BRINP3: variants seen among roughly 807,000 people sequenced by gnomAD.
BRINP3 encodes BMP/retinoic acid-inducible neural-specific protein 3.
A neutral mutation model predicts 71.0 loss-of-function variants in BRINP3; 19 were observed. The observed-to-expected ratio is 0.27, with a 90% confidence interval of 0.19 to 0.39. The LOEUF (loss-of-function observed/expected upper bound fraction) is 0.39. BRINP3 is among the 10% of genes least tolerant of loss of function. BRINP3 has a pLI of 1.00. For synonymous variants in BRINP3, 380 were observed against 337.7 expected (o/e 1.13, Z -1.37); for missense variants, 959 against 940.8 (o/e 1.02, Z -0.25).
intron 6 of BRINP3, among the ~76,000 whole-genome samples, chr1:190,180,235 C>G (rs889667652): frequency 2.6e-5 from 4 of 152,156 alleles, no homozygotes; most frequent in Non-Finnish European, 4.4e-5. Flanking sequence ...TGAACTCTCT[C>G]TAGGAACCAG....
intron 5 of BRINP3, 26 bp from the exon 6 acceptor site, chr1:190,226,344 C>A: frequency 1.4e-6 from 2 of 1,388,216 alleles, no homozygotes; most frequent in Non-Finnish European, 2.0e-6. Context: ...AAGAAATTAA[C>A]AAATTTACTT....
chr1:190,194,078 G>C (rs996503040), intron 6 of BRINP3, among the ~76,000 whole-genome samples: 1 of 151,966 alleles, frequency 6.6e-6, no homozygotes, highest in Non-Finnish European at 1.5e-5. Flanking sequence ...TTTTTTCCTT[G>C]ACAACATGGA....
At chr1:190,441,451 G>A (rs1248325640) in intron 2 of BRINP3, among the ~76,000 whole-genome samples, 1 of 152,060 alleles carries the variant, frequency 6.6e-6, no homozygotes, top group Admixed American at 6.6e-5. Context: ...CAAAGCTTTG[G>A]AATTTAGCAA....
At chr1:190,306,075 CTT>C (rs1207182142) in intron 2 of BRINP3, among the ~76,000 whole-genome samples, 1 of 151,806 alleles carries the variant, frequency 6.6e-6, no homozygotes, top group Non-Finnish European at 1.5e-5. Flanking sequence ...TCAGCCATAA[CTT>C]TATATCAATG....
chr1:190,410,060 C>A (rs1672564424), intron 2 of BRINP3, among the ~76,000 whole-genome samples: 1 of 151,758 alleles, frequency 6.6e-6, no homozygotes, highest in Non-Finnish European at 1.5e-5. Flanking sequence ...TATTTTACTT[C>A]TTTCTTTATT....
chr1:190,391,807 C>G (rs1671267932), intron 2 of BRINP3, among the ~76,000 whole-genome samples: 1 of 151,646 alleles, frequency 6.6e-6, no homozygotes. Context: ...GTGCTAGAGA[C>G]CAAAACATGC....
At chr1:190,300,771 A>G (rs1297215650) in intron 2 of BRINP3, among the ~76,000 whole-genome samples, 1 of 152,090 alleles carries the variant, frequency 6.6e-6, no homozygotes, top group Non-Finnish European at 1.5e-5. Context: ...CCAAAAACCC[A>G]TCTGTACTTC....
intron 2 of BRINP3, among the ~76,000 whole-genome samples, chr1:190,317,329 A>T (rs996434081): frequency 1.3e-5 from 2 of 152,064 alleles, no homozygotes; most frequent in African/African-American, 2.4e-5. Flanking sequence ...AAGGGCAGCT[A>T]TTCAGTTTCT....
At chr1:190,276,513 TA>T (rs1662564746) in intron 3 of BRINP3, among the ~76,000 whole-genome samples, 1 of 151,338 alleles carries the variant, frequency 6.6e-6, no homozygotes, top group African/African-American at 2.4e-5. Flanking sequence ...ATTTTATCCA[TA>T]TTGTATCTTA....
rs747787642 is a variant in BRINP3, at chr1:190,160,734, A to G, written c.1118T>C (p.Val373Ala). The G allele has an allele frequency of 1.9e-6, 3 of 1,613,608 alleles. No individual in the cohort carries two copies. In the Admixed American group the frequency reaches 5.0e-5, roughly 27 times the overall value. ...CTTGCTAAGGCTAAAAAGCTTGTGT[A>G]CAATTTTCTGCGCCTTTAGGAAAAG... ...KQLFLKAQKIVHKLFSLSKRC... is the reference protein window; with the variant it reads ...KQLFLKAQKIAHKLFSLSKRC... The change falls in exon 7 of 8, where the codon GTA (valine) becomes GCA (alanine). Residue 373 changes from valine (V) to alanine (A), a missense_variant. By Grantham distance (64) the Val-to-Ala change is moderately conservative. Transcript: ENST00000367462.
intron 7 of BRINP3, among the ~76,000 whole-genome samples, chr1:190,148,470 C>T (rs1656095729): frequency 2.0e-5 from 3 of 151,516 alleles, no homozygotes; most frequent in Non-Finnish European, 2.9e-5. Flanking sequence ...GTGGCGGGCG[C>T]CTGTAGTCCC....
intron 6 of BRINP3, among the ~76,000 whole-genome samples, chr1:190,210,776 G>A (rs1448944490): frequency 6.6e-6 from 1 of 151,972 alleles, no homozygotes; most frequent in Non-Finnish European, 1.5e-5. Context: ...TTGCCAAAGG[G>A]GATTATCATT....
At chr1:190,274,345 A>G (rs757139217) in intron 3 of BRINP3, among the ~76,000 whole-genome samples, 2 of 151,196 alleles carry the variant, frequency 1.3e-5, no homozygotes, top group Non-Finnish European at 3.0e-5. Flanking sequence ...CCATTGTCCT[A>G]TAATGTTTAC....
chr1:190,133,136 A>G (rs1654678293), intron 7 of BRINP3, among the ~76,000 whole-genome samples: 1 of 152,114 alleles, frequency 6.6e-6, no homozygotes, highest in Admixed American at 6.6e-5. Context: ...CTATGAGATA[A>G]TAAATGTTCT....
chr1:190,131,738 C>G (rs990409702), intron 7 of BRINP3, among the ~76,000 whole-genome samples: 1 of 152,124 alleles, frequency 6.6e-6, no homozygotes, highest in Admixed American at 6.6e-5. Context: ...GTGGACTTAC[C>G]CAGCTCTCCA....
chr1:190,403,015 C>T (rs979331620), intron 2 of BRINP3, among the ~76,000 whole-genome samples: 2 of 152,122 alleles, frequency 1.3e-5, no homozygotes, highest in Non-Finnish European at 2.9e-5. Flanking sequence ...GAATGAGCTA[C>T]CTATCTTGTC....
intron 2 of BRINP3, among the ~76,000 whole-genome samples, chr1:190,346,928 C>T (rs1220859388): frequency 6.6e-6 from 1 of 152,016 alleles, no homozygotes; most frequent in Non-Finnish European, 1.5e-5. Context: ...TGGTTGTTCT[C>T]TTAGTAACTA....
chr1:190,356,286 C>T lies in BRINP3; in HGVS notation c.237-74536G>A, dbSNP rs560055351. 3.3e-5 allele frequency among the ~76,000 whole-genome samples: 5 copies of T among 151,930 alleles called. No individual in the cohort carries two copies. In the South Asian group the frequency reaches 1.0e-3, roughly 32 times the overall value. On this transcript the variant is annotated intron_variant, in intron 2 of 7. Coordinates refer to ENST00000367462, the MANE Select transcript of BRINP3 (RefSeq NM_199051.3). Reference sequence around the variant, plus strand: ...AAATGAATGGATGGTAAATAACTATCCTCTTTTGTAGTCTGGCTATAATTA... The same window carrying T: ...AAATGAATGGATGGTAAATAACTATTCTCTTTTGTAGTCTGGCTATAATTA...
intron 2 of BRINP3, among the ~76,000 whole-genome samples, chr1:190,360,734 C>A (rs1040347681): frequency 2.0e-5 from 3 of 151,926 alleles, no homozygotes; most frequent in African/African-American, 7.3e-5. Context: ...TCAATCTATT[C>A]CCAGCTGTGT....
Sources: gnomAD v4.1 joint callset for allele counts (sites outside exome capture counted in the v4.1 genomes callset) on GRCh38, gnomAD v4.1.1 for gene constraint, MANE v1.5 for transcripts, NCBI Gene and HGNC (gene_info 2026-07-23, HGNC 2026-07-21) for gene names.